The following RARB variants were observed in gnomAD, a reference collection of about 807,000 sequenced individuals.
RARB encodes the protein HBV-activated protein.
Under a neutral mutation model 51.9 loss-of-function variants are expected in RARB, and 17 were observed. The ratio of observed to expected loss-of-function variants is 0.33; its 90% CI spans 0.22 to 0.49. RARB has a LOEUF of 0.49. Among genes scored for constraint, RARB ranks in the 20% least tolerant of loss-of-function variants. The pLI, the probability that RARB is intolerant of heterozygous loss-of-function variation, is 0.99. For synonymous variants in RARB, 215 were observed against 195.4 expected (o/e 1.10, Z -0.84); for missense variants, 369 against 550.8 (o/e 0.67, Z 3.30).
chr3:25,419,105 A>G (rs6805482), intron 5 of RARB, among the ~76,000 whole-genome samples: 89,240 of 151,630 alleles, frequency 0.59, 26,861 homozygotes, highest in South Asian at 0.7. Flanking sequence ...TGGCCAAAGG[A>G]GCATAATCTA....
Position 25,431,398 on chromosome 3 carries a change from T to C in RARB, c.157+2510T>C, listed in dbSNP as rs796568218. Among the ~76,000 whole-genome samples the C allele has an allele frequency of 3.9e-5, 6 of 152,304 alleles. 1 individual carries two copies. Among genetic ancestry groups the C allele is most frequent in the African/African-American group, 1.4e-4 (6 of 41,578 alleles). ...TAATTTTAAAGGCAGAAAAATGATATGCCAGCCAGCTGCCATTTGTAGTAG... is the reference window on the plus strand; with the variant it reads ...TAATTTTAAAGGCAGAAAAATGATACGCCAGCCAGCTGCCATTTGTAGTAG... On this transcript the variant is annotated intron_variant, in intron 1 of 7. Coordinates refer to ENST00000330688, the MANE Select transcript of RARB (RefSeq NM_000965.5).
intron 4 of RARB, among the ~76,000 whole-genome samples, chr3:25,132,751 GT>G (rs1553635882): frequency 6.6e-6 from 1 of 151,814 alleles, no homozygotes; most frequent in Non-Finnish European, 1.5e-5. Flanking sequence ...AATGAAATAA[GT>G]ATTTGAGGTG....
intron 5 of RARB, among the ~76,000 whole-genome samples, chr3:25,349,127 A>G (rs577413027): frequency 1.2e-4 from 18 of 152,264 alleles, no homozygotes; most frequent in Non-Finnish European, 1.6e-4. Context: ...CCTTCCCCCA[A>G]TGAAGGCGGA....
At chr3:25,322,213 G>T (rs1704590400) in intron 5 of RARB, among the ~76,000 whole-genome samples, 1 of 151,652 alleles carries the variant, frequency 6.6e-6, no homozygotes. Flanking sequence ...AATAAATGTT[G>T]GGGGGCGGGG....
intron 2 of RARB, among the ~76,000 whole-genome samples, chr3:24,918,039 ACACCTAG>A (rs1695141968): frequency 6.6e-6 from 1 of 152,234 alleles, no homozygotes; most frequent in Admixed American, 6.5e-5. Flanking sequence ...CAGCAAGTCC[ACACCTAG>A]CATGCTATGC....
At chr3:25,252,378 T>C (rs1396078981) in intron 5 of RARB, among the ~76,000 whole-genome samples, 1 of 152,160 alleles carries the variant, frequency 6.6e-6, no homozygotes, top group Non-Finnish European at 1.5e-5. Context: ...TGTCAATTTC[T>C]GTAAAAAAAC....
At chr3:25,004,245 A>G (rs190883045) in intron 2 of RARB, among the ~76,000 whole-genome samples, 16 of 152,256 alleles carry the variant, frequency 1.1e-4, no homozygotes, top group African/African-American at 3.4e-4. Flanking sequence ...ATAGCATGAA[A>G]CCCTGAAAAG....
chr3:25,241,488 C>T (rs1225804319), intron 5 of RARB, among the ~76,000 whole-genome samples: 3 of 152,136 alleles, frequency 2.0e-5, no homozygotes, highest in African/African-American at 7.2e-5. Flanking sequence ...CCCGGACAGG[C>T]CCGGGTGTGA....
rs534827193 is a variant in RARB, at chr3:25,073,491, TA to T, written c.-328+13318del. On this transcript the variant is annotated intron_variant, in intron 3 of 11. Coordinates refer to the RARB transcript ENST00000383772. ...TGTAACAGTTTGAGAAACAGTGGGTTAAACAGTTAGTTAGGTTTCTTTATTG... is the reference window on the plus strand; with the variant it reads ...TGTAACAGTTTGAGAAACAGTGGGTTAACAGTTAGTTAGGTTTCTTTATTG... 1.4e-3 allele frequency among the ~76,000 whole-genome samples: 211 copies of T among 152,358 alleles called. 1 individual carries two copies. The highest frequency in any genetic ancestry group is 0.011 in the East Asian group (58 of 5,192).
In RARB at chr3:25,039,046, A is replaced by T. The variant is rs376472816; in HGVS notation, c.-379-21079A>T. Among the ~76,000 whole-genome samples the T allele has an allele frequency of 2.9e-4, 44 of 152,320 alleles. 1 individual carries two copies. The South Asian group carries it at 8.9e-3, about 31-fold the overall frequency. On this transcript the variant is annotated intron_variant, in intron 2 of 11. Transcript: ENST00000383772. ...TAATGGGAAAGTAAACTCTGAAGTT[A>T]TTTGTTGACATAATTTCTGGCAGTA...
rs192645921 is a variant in RARB, at chr3:25,428,404, G to A, written c.-328G>A. 502 of 1,267,740 alleles carry A rather than the reference G, an allele frequency of 4.0e-4. 3 individuals are homozygous for A. In the African/African-American group the frequency reaches 6.7e-3, roughly 17 times the overall value. The allele number at this position is 1,267,740 out of a possible 1,614,324, so 78.5% of individuals were successfully genotyped here. On this transcript the variant is annotated 5_prime_UTR_variant, in exon 1 of 8. Coordinates refer to ENST00000330688, the MANE Select transcript of RARB (RefSeq NM_000965.5). ...AGCGATCCGAGCAGGGTTTGTCTGG[G>A]CACCGTCGGGGTAGGATCCGGAACG...
chr3:24,933,856 T>C (rs565553074), intron 2 of RARB, among the ~76,000 whole-genome samples: 1 of 152,240 alleles, frequency 6.6e-6, no homozygotes, highest in South Asian at 2.1e-4. Context: ...AACAAAGCAT[T>C]AAACAAAAAA....
intron 2 of RARB, among the ~76,000 whole-genome samples, chr3:24,872,207 C>A (rs1368889134): frequency 6.6e-6 from 1 of 152,160 alleles, no homozygotes; most frequent in African/African-American, 2.4e-5. Flanking sequence ...ATTTCCTCCA[C>A]CATTACCATT....
At chr3:25,130,174 T>C (rs972324943) in intron 3 of RARB, among the ~76,000 whole-genome samples, 4 of 152,030 alleles carry the variant, frequency 2.6e-5, no homozygotes, top group Non-Finnish European at 5.9e-5. Context: ...CATTTACAGG[T>C]AGGGGAATAA....
At position 24,888,373 on chromosome 3, in the gene RARB, C is replaced by T. The variant is rs191317910; in HGVS notation, c.-380+29621C>T. ...TTACGTGGGTATTAATGGTAGGAGC[C>T]GGGATTTGAACCTAGCCAGTTACAG... is the stretch of plus-strand genomic sequence containing the variant. On this transcript the variant is annotated intron_variant, in intron 2 of 11. Coordinates refer to the RARB transcript ENST00000383772. Among the ~76,000 whole-genome samples, 394 of 151,988 alleles carry T rather than the reference C, an allele frequency of 2.6e-3. 2 individuals carry two copies. The highest frequency in any genetic ancestry group is 4.3e-3 in the Non-Finnish European group (290 of 67,960).
At chr3:24,903,277 A>C (rs1410225588) in intron 2 of RARB, among the ~76,000 whole-genome samples, 1 of 152,184 alleles carries the variant, frequency 6.6e-6, no homozygotes, top group Non-Finnish European at 1.5e-5. Flanking sequence ...AATCATAAAA[A>C]TATGACATTA....
Position 24,889,675 on chromosome 3 carries a change from AGTGTGT to A in RARB, c.-380+30952_-380+30957del, listed in dbSNP as rs71057686. Reference sequence around the variant, plus strand: ...ACAAATGTATTGAATCACCTCTTAAAGTGTGTGTGTGTGTGTGTGTGTGTGTGTGTG... The same window carrying A: ...ACAAATGTATTGAATCACCTCTTAAAGTGTGTGTGTGTGTGTGTGTGTGTG... On this transcript the variant is annotated intron_variant, in intron 2 of 11. Coordinates refer to the RARB transcript ENST00000383772. 3.7e-3 allele frequency among the ~76,000 whole-genome samples: 524 copies of A among 142,956 alleles called. 1 individual carries two copies. The highest frequency in any genetic ancestry group is 0.012 in the African/African-American group (485 of 39,112). The allele number at this position is 142,956 out of a possible 152,430, so 93.8% of individuals were successfully genotyped here. A position where few individuals can be genotyped will look rare whatever the true frequency, so the allele number is the denominator to read the frequency against.
chr3:25,367,979 C>G (rs1198725162), intron 5 of RARB, among the ~76,000 whole-genome samples: 1 of 152,026 alleles, frequency 6.6e-6, no homozygotes, highest in Non-Finnish European at 1.5e-5. Flanking sequence ...TTTCGGTGCT[C>G]CTCTGTGAAA....
chr3:25,336,611 G>A (rs975124416), intron 5 of RARB, among the ~76,000 whole-genome samples: 2 of 152,130 alleles, frequency 1.3e-5, no homozygotes, highest in Non-Finnish European at 2.9e-5. Flanking sequence ...AAGGAGGGAT[G>A]TTCCTTCCTC....
Sources: gnomAD v4.1 joint callset for allele counts (sites outside exome capture counted in the v4.1 genomes callset) on GRCh38, gnomAD v4.1.1 for gene constraint, MANE v1.5 for transcripts, NCBI Gene and HGNC (gene_info 2026-07-23, HGNC 2026-07-21) for gene names.